COTL1: variants seen among roughly 807,000 people sequenced by gnomAD.
The protein encoded by COTL1 is coactosin-like protein.
A neutral mutation model predicts 16.5 loss-of-function variants in COTL1; 15 were observed. The ratio of observed to expected loss-of-function variants is 0.91; its 90% confidence interval spans 0.61 to 1.40. COTL1 has a LOEUF of 1.40. COTL1 is among the 40% of genes most tolerant of loss of function. The pLI is 0.00. For synonymous variants in COTL1, 112 were observed against 85.3 expected, an observed-to-expected ratio of 1.31 and a Z score of -1.73; for missense variants, 220 against 201.5, an observed-to-expected ratio of 1.09 and a Z score of -0.56.
rs750020264 is a variant in COTL1, at chr16:84,590,351, G to A, written c.161-89C>T. 6.1e-5 allele frequency: 90 copies of A among 1,477,840 alleles called. No individual in the cohort carries two copies. The highest frequency in any genetic ancestry group is 2.5e-4 in the East Asian group (11 of 43,678). The allele number at this position is 1,477,840 out of a possible 1,614,324, so 91.5% of individuals were successfully genotyped here. A position where few individuals can be genotyped will look rare whatever the true frequency, so the allele number is the denominator to read the frequency against. On this transcript the variant is annotated intron_variant, in intron 2 of 3. Coordinates refer to ENST00000262428, the MANE Select transcript of COTL1 (RefSeq NM_021149.5). The surrounding 1 kb of genome is among the most constrained non-coding windows in gnomAD (Gnocchi z 5.5). ...GGGAGAGGCTGTGAGCCACGAGTGCGCCTGGAGCAGCACAGCAGGAGACCG... is the reference window on the plus strand; with the variant it reads ...GGGAGAGGCTGTGAGCCACGAGTGCACCTGGAGCAGCACAGCAGGAGACCG...
At chr16:84,615,865 G>GTGTGTGTGTA (rs1352350863) in intron 2 of COTL1, 2 of 151,326 alleles carry the variant, frequency 1.3e-5, no homozygotes, top group Non-Finnish European at 2.9e-5. Context: ...GTGTGTGTGT[G>GTGTGTGTGTA]TGTGTGTGTG....
intron 2 of COTL1, among the ~76,000 whole-genome samples, chr16:84,613,467 G>C (rs1180035414): frequency 1.3e-5 from 2 of 152,134 alleles, no homozygotes; most frequent in African/African-American, 4.8e-5. Context: ...TACAGTGTTG[G>C]GCTGCAGATG....
chr16:84,582,606 G>A (rs934116301), intron 3 of COTL1, among the ~76,000 whole-genome samples: 3 of 152,162 alleles, frequency 2.0e-5, no homozygotes, highest in Non-Finnish European at 4.4e-5. Context: ...CTAGACCATA[G>A]TAGATACAGA....
chr16:84,599,043 G>A (rs969589494), intron 2 of COTL1, among the ~76,000 whole-genome samples: 8 of 151,886 alleles, frequency 5.3e-5, no homozygotes, highest in South Asian at 2.1e-4. Context: ...AGTTACAAAC[G>A]GCATATGGTC....
intron 2 of COTL1, chr16:84,595,858 TA>T (rs1169856935): frequency 6.6e-6 from 1 of 151,872 alleles, no homozygotes; most frequent in African/African-American, 2.4e-5. Context: ...TATATGTGTG[TA>T]TATATATTCA....
intron 2 of COTL1, among the ~76,000 whole-genome samples, chr16:84,593,460 C>G (rs1249768471): frequency 6.6e-6 from 1 of 151,658 alleles, no homozygotes; most frequent in African/African-American, 2.4e-5. Context: ...CTGTAAAACA[C>G]GTTCTTTTCT....
Position 84,566,868 on chromosome 16 carries a change from T to G in COTL1, c.406A>C (p.Asn136His), listed in dbSNP as rs758268110. 6.2e-7 allele frequency: 1 copy of G among 1,613,670 alleles called. No individual in the cohort carries two copies. The highest frequency in any genetic ancestry group is 1.1e-5 in the South Asian group (1 of 91,064). ...KSELKKAGGA[N>H]YDAQTE ...GGTTACTCCGTCTGGGCGTCGTAAT[T>G]GGCTCCCCCCGCCTTCTTCAGCTCG... The change falls in exon 4 of 4, where the codon AAT becomes CAT. Residue 136 changes from asparagine (N) to histidine (H), a missense_variant. Transcript: ENST00000262428.
chr16:84,597,986 G>A (rs1009710233), intron 2 of COTL1, among the ~76,000 whole-genome samples: 3 of 152,140 alleles, frequency 2.0e-5, no homozygotes, highest in Non-Finnish European at 2.9e-5. Context: ...CATAAGCCAC[G>A]AGGATTCAGA....
chr16:84,580,464 T>C (rs1904558141), intron 3 of COTL1, among the ~76,000 whole-genome samples: 1 of 152,176 alleles, frequency 6.6e-6, no homozygotes, highest in African/African-American at 2.4e-5. Flanking sequence ...TTGCCCAGGC[T>C]GGTCTGGAAC....
At position 84,598,039 on chromosome 16, in the gene COTL1, G is replaced by A. The variant is rs191841307; in HGVS notation, c.161-7777C>T. Among the ~76,000 whole-genome samples, 136 of 152,280 alleles carry A rather than the reference G, an allele frequency of 8.9e-4. 1 individual carries two copies. The highest frequency in any genetic ancestry group is 6.4e-3 in the South Asian group (31 of 4,828). ...CACTGAGCCCCATCTCAGGGCTGCC[G>A]TCACTGAGGATACAGCAAGGTCAGG... On this transcript the variant is annotated intron_variant, in intron 2 of 3. Coordinates refer to ENST00000262428, the MANE Select transcript of COTL1 (RefSeq NM_021149.5).
intron 2 of COTL1, among the ~76,000 whole-genome samples, chr16:84,607,243 C>T (rs1267739499): frequency 2.6e-5 from 4 of 152,078 alleles, no homozygotes; most frequent in African/African-American, 4.8e-5. Context: ...CGGGCCTTGA[C>T]GGGTGTGTAG....
intron 3 of COTL1, among the ~76,000 whole-genome samples, chr16:84,572,040 C>A (rs572519275): frequency 3.3e-5 from 5 of 152,372 alleles, no homozygotes; most frequent in African/African-American, 9.6e-5. Flanking sequence ...AGCCTAAAAA[C>A]CAACTGACAA....
rs1022760717 is a variant in COTL1 at position 84,580,394 on chromosome 16, A to G, written c.318+9711T>C. Among the ~76,000 whole-genome samples the G allele has an allele frequency of 3.3e-5, 5 of 152,130 alleles. No homozygotes were observed. The South Asian group carries it at 6.2e-4, about 19-fold the overall frequency. The stretch of plus-strand genomic sequence containing the variant: ...CCCGAGTAGCTTGGACTACAGGTAC[A>G]TAACACCATGCTCGGCTAATTTTTT... On this transcript the variant is annotated intron_variant, in intron 3 of 3. Transcript: ENST00000262428.
intron 3 of COTL1, among the ~76,000 whole-genome samples, chr16:84,586,946 A>G (rs1233520189): frequency 2.0e-5 from 3 of 152,192 alleles, no homozygotes; most frequent in African/African-American, 7.2e-5. Flanking sequence ...AAGATCTGCA[A>G]TGTGGTGCCC....
At chr16:84,600,493 A>G (rs779948740) in intron 2 of COTL1, among the ~76,000 whole-genome samples, 13 of 152,106 alleles carry the variant, frequency 8.5e-5, no homozygotes, top group Non-Finnish European at 1.8e-4. Context: ...TTGTAGTTTT[A>G]GTACAGACGG....
intron 2 of COTL1, among the ~76,000 whole-genome samples, chr16:84,604,759 G>C (rs1905178441): frequency 1.3e-5 from 2 of 152,172 alleles, no homozygotes; most frequent in Non-Finnish European, 2.9e-5. Flanking sequence ...CCAGGAGCCT[G>C]GCTCTTTGCA....
At chr16:84,609,244 T>C (rs984859810) in intron 2 of COTL1, among the ~76,000 whole-genome samples, 3 of 152,228 alleles carry the variant, frequency 2.0e-5, no homozygotes, top group African/African-American at 7.2e-5. Flanking sequence ...GCAAGTGAAT[T>C]TGACTCCTTC....
intron 3 of COTL1, among the ~76,000 whole-genome samples, chr16:84,579,068 C>T (rs550147024): frequency 6.6e-6 from 1 of 151,366 alleles, no homozygotes; most frequent in South Asian, 2.1e-4. Context: ...TACACACAGG[C>T]ACACACACAT....
chr16:84,577,350 T>C (rs1256690222), intron 3 of COTL1, among the ~76,000 whole-genome samples: 2 of 152,220 alleles, frequency 1.3e-5, no homozygotes, highest in Non-Finnish European at 1.5e-5. Flanking sequence ...GTTCAAGCGA[T>C]TGTCCTGCCA....
Sources: gnomAD v4.1 joint callset for allele counts (sites outside exome capture counted in the v4.1 genomes callset) on GRCh38, gnomAD v4.1.1 for gene constraint, Gnocchi (gnomAD v3.1) non-coding constraint, MANE v1.5 for transcripts, NCBI Gene and HGNC (gene_info 2026-07-23, HGNC 2026-07-21) for gene names.